The following SLC44A1 variants were observed in gnomAD, a reference collection of about 807,000 sequenced individuals.
The protein encoded by SLC44A1 is choline transporter-like protein 1.
SLC44A1 carries 26 observed loss-of-function variants against 79.3 expected under a neutral mutation model. The ratio of observed to expected loss-of-function variants is 0.33; its 90% CI spans 0.24 to 0.46. The LOEUF is 0.46. SLC44A1 is among the 20% of genes least tolerant of loss of function. SLC44A1 has a pLI of 1.00. For synonymous variants in SLC44A1, 263 were observed against 286.2 expected, an observed-to-expected ratio of 0.92 and a Z score of 0.82; for missense variants, 688 against 798.1, an observed-to-expected ratio of 0.86 and a Z score of 1.66.
chr9:105,339,457 A>T (rs1005718718), intron 4 of SLC44A1, among the ~76,000 whole-genome samples: 1 of 152,238 alleles, frequency 6.6e-6, no homozygotes, highest in East Asian at 1.9e-4. Context: ...TTGCACAATC[A>T]TGTTCATTGT....
At chr9:105,435,738 T>C (rs1458442665) in intron 15 of SLC44A1, among the ~76,000 whole-genome samples, 1 of 152,078 alleles carries the variant, frequency 6.6e-6, no homozygotes, top group Non-Finnish European at 1.5e-5. Context: ...GACCTTACAG[T>C]ATGGAGTTTA....
chr9:105,330,004 G>C (rs1339905229), intron 3 of SLC44A1, among the ~76,000 whole-genome samples: 2 of 152,214 alleles, frequency 1.3e-5, no homozygotes, highest in East Asian at 3.9e-4. Flanking sequence ...TTCTTCTCTA[G>C]ACTGTAACTT....
intron 1 of SLC44A1, among the ~76,000 whole-genome samples, chr9:105,276,341 T>C (rs1227650555): frequency 1.3e-5 from 2 of 152,232 alleles, no homozygotes; most frequent in Non-Finnish European, 2.9e-5. Flanking sequence ...CTGTCACTGC[T>C]TTCATCATGT....
chr9:105,278,280 G>A lies in SLC44A1; in HGVS notation c.37-20940G>A, dbSNP rs7032322. Among the ~76,000 whole-genome samples, 1,095 of 149,656 alleles carry A rather than the reference G, an allele frequency of 7.3e-3. 7 individuals are homozygous for A. The highest frequency in any genetic ancestry group is 0.025 in the African/African-American group (1,037 of 40,852). ...TTATTTATTTATGAGATGTAGTCTC[G>A]CTCTGTCACCCAGACTGGAGTGCAG... On this transcript the variant is annotated intron_variant, in intron 1 of 15. Coordinates refer to ENST00000374720, the MANE Select transcript of SLC44A1 (RefSeq NM_080546.5).
chr9:105,316,749 A>T (rs1210572398), intron 3 of SLC44A1, among the ~76,000 whole-genome samples: 1 of 152,218 alleles, frequency 6.6e-6, no homozygotes, highest in African/African-American at 2.4e-5. Flanking sequence ...AGTTCCTAAC[A>T]GCAGGCTGGT....
intron 1 of SLC44A1, among the ~76,000 whole-genome samples, chr9:105,246,989 A>G (rs1409056146): frequency 6.6e-6 from 1 of 152,088 alleles, no homozygotes; most frequent in Non-Finnish European, 1.5e-5. Flanking sequence ...GTGGATTCCT[A>G]TAACCAATCA....
intron 5 of SLC44A1, among the ~76,000 whole-genome samples, chr9:105,349,225 C>T: frequency 6.6e-6 from 1 of 152,096 alleles, no homozygotes; most frequent in East Asian, 1.9e-4. Context: ...TTGGTCAGAT[C>T]ACAACCTTAG....
chr9:105,437,404 T>C (rs1018571083), intron 15 of SLC44A1, among the ~76,000 whole-genome samples: 1 of 152,054 alleles, frequency 6.6e-6, no homozygotes, highest in Admixed American at 6.6e-5. Context: ...TCTAGATAGA[T>C]AGTTGTCTAG....
chr9:105,331,526 A>G (rs1317039168), intron 3 of SLC44A1, among the ~76,000 whole-genome samples: 1 of 152,248 alleles, frequency 6.6e-6, no homozygotes, highest in African/African-American at 2.4e-5. Context: ...TAATGTAAGC[A>G]TTTATTTACC....
chr9:105,404,834 TGAGGCTCA>T (rs1452370184), intron 15 of SLC44A1, among the ~76,000 whole-genome samples: 1 of 152,246 alleles, frequency 6.6e-6, no homozygotes, highest in Non-Finnish European at 1.5e-5. Flanking sequence ...AAAAGCTTTT[TGAGGCTCA>T]GGATCTTCCT....
intron 1 of SLC44A1, among the ~76,000 whole-genome samples, chr9:105,278,391 G>GGCGCCCGCCACC (rs1830263879): frequency 6.6e-6 from 1 of 152,178 alleles, no homozygotes; most frequent in African/African-American, 2.4e-5. Context: ...TGGGACTACG[G>GGCGCCCGCCACC]GCGCCCGCCA....
chr9:105,366,440 T>G lies in SLC44A1; in HGVS notation c.1494+11T>G. The G allele has an allele frequency of 8.1e-7, 1 of 1,237,504 alleles. No individual in the cohort carries two copies. The highest frequency in any genetic ancestry group is 1.1e-6 in the Non-Finnish European group (1 of 895,934). The allele number at this position is 1,237,504 out of a possible 1,614,324, so 76.7% of individuals were successfully genotyped here. A position where few individuals can be genotyped will look rare whatever the true frequency, so the allele number is the denominator to read the frequency against. ...AATTATTTAAATCAGGTAAAATATT[T>G]TAAAAATAAATCTAATATTTACTTT... On this transcript the variant is annotated intron_variant, in intron 12 of 15. Transcript: ENST00000374720.
intron 15 of SLC44A1, among the ~76,000 whole-genome samples, chr9:105,429,467 T>C (rs962982306): frequency 2.0e-5 from 3 of 152,150 alleles, no homozygotes; most frequent in African/African-American, 7.2e-5. Context: ...CGTGCCTGGC[T>C]AATTTTTGAA....
At position 105,387,023 on chromosome 9, in the gene SLC44A1, A is replaced by G. The variant is rs1180832857; in HGVS notation, c.1950+1521A>G. On this transcript the variant is annotated intron_variant, in intron 15 of 15. Coordinates refer to ENST00000374720, the MANE Select transcript of SLC44A1 (RefSeq NM_080546.5). ...CATTGCATTCCAGCCTGGGCGACAG[A>G]GCGAGACTCCATCTCAAAAAAAAAA... Among the ~76,000 whole-genome samples the G allele has an allele frequency of 3.0e-5, 4 of 131,630 alleles. No individual in the cohort carries two copies. The East Asian group carries it at 8.9e-4, about 29-fold the overall frequency. 86.4% of individuals were successfully genotyped at this position (131,630 alleles called of 152,430 possible). A position where few individuals can be genotyped will look rare whatever the true frequency, so the allele number is the denominator to read the frequency against.
Position 105,396,966 on chromosome 9 carries a change from C to A in SLC44A1, c.*7910C>A, listed in dbSNP as rs937958688. 1 of 985,258 alleles carries A rather than the reference C, an allele frequency of 1.0e-6. No homozygotes were observed. Among genetic ancestry groups the A allele is most frequent in the Non-Finnish European group, 1.2e-6 (1 of 829,852 alleles). 61.0% of individuals were successfully genotyped at this position (985,258 alleles called of 1,614,324 possible). ...ATGCCCCACAGACACAGTTGTAGCC[C>A]TAGTATTTGTGACGGTCATTATTGA... On this transcript the variant is annotated 3_prime_UTR_variant, in exon 16 of 16. Transcript: ENST00000374720.
Position 105,365,525 on chromosome 9 carries a change from A to G in SLC44A1, c.1296A>G (p.Val432=). 1.9e-6 allele frequency: 3 copies of G among 1,613,602 alleles called. No homozygotes were observed. In the East Asian group the frequency reaches 6.7e-5, roughly 36 times the overall value. ...NLPFTPILAS[V]NRLIRYHLGT... ...CATTTACACCTATTTTGGCATCAGTAAATCGCCTTATTCGTTACCACCTAG... is the reference window on the plus strand; with the variant it reads ...CATTTACACCTATTTTGGCATCAGTGAATCGCCTTATTCGTTACCACCTAG... The change falls in exon 11 of 16, where the codon GTA becomes GTG. Residue 432 remains valine, a synonymous_variant. Transcript: ENST00000374720.
At chr9:105,268,481 A>C (rs1013697535) in intron 1 of SLC44A1, among the ~76,000 whole-genome samples, 1 of 151,954 alleles carries the variant, frequency 6.6e-6, no homozygotes, top group African/African-American at 2.4e-5. Flanking sequence ...AATCTCTTTC[A>C]TTGATCTGAG....
At chr9:105,319,531 C>T (rs1044241766) in intron 3 of SLC44A1, among the ~76,000 whole-genome samples, 1 of 152,094 alleles carries the variant, frequency 6.6e-6, no homozygotes, top group African/African-American at 2.4e-5. Flanking sequence ...CTCCAGTCTC[C>T]AGCTCCTCTG....
chr9:105,323,992 CTTTTTGTTTTTG>C (rs371832925), intron 3 of SLC44A1, among the ~76,000 whole-genome samples: 5,210 of 151,974 alleles, frequency 0.034, 288 homozygotes, highest in African/African-American at 0.12. Flanking sequence ...CTCCCAAGTG[CTTTTTGTTTTTG>C]TTTTTGTTTT....
Sources: allele counts gnomAD v4.1 joint callset (sites outside exome capture counted in the v4.1 genomes callset), GRCh38; gene constraint gnomAD v4.1.1; transcripts MANE v1.5; gene names NCBI Gene and HGNC (gene_info 2026-07-23, HGNC 2026-07-21).